The following CNTN1 variants were observed in gnomAD, a reference collection of about 807,000 sequenced individuals.
CNTN1 encodes contactin 1, also known as contactin-1.
Under a neutral mutation model 126.4 loss-of-function variants are expected in CNTN1, and 38 were observed. The observed-to-expected ratio is 0.30, with a 90% confidence interval of 0.23 to 0.39. The LOEUF (loss-of-function observed/expected upper bound fraction) is 0.39, where lower values mean the gene tolerates loss of function less well. Among genes scored for constraint, CNTN1 ranks in the 10% least tolerant of loss-of-function variants. The probability of loss-of-function intolerance (pLI) is 1.00; values close to 1 mark genes in which losing one functional copy is unlikely to be tolerated. For missense variants in CNTN1, 1,009 were observed against 1,248.4 expected, an observed-to-expected ratio of 0.81 and a Z score of 2.89; for synonymous variants, 413 against 422.6, an observed-to-expected ratio of 0.98 and a Z score of 0.28.
At chr12:40,798,276 CATTG>C (rs1328058619) in intron 1 of CNTN1, among the ~76,000 whole-genome samples, 1 of 151,994 alleles carries the variant, frequency 6.6e-6, no homozygotes. Flanking sequence ...ACTGAAGAGT[CATTG>C]ATTGTGTGAC....
Position 40,796,876 on chromosome 12 carries a change from AG to A in CNTN1, c.-77+104286del, listed in dbSNP as rs571228036. Among the ~76,000 whole-genome samples the A allele has an allele frequency of 4.9e-4, 75 of 152,238 alleles. 1 individual carries two copies. Among genetic ancestry groups the A allele is most frequent in the African/African-American group, 1.8e-3 (73 of 41,568 alleles). ...AATGAGGACAAAGCTTGGCAAGCCA[AG>A]GAGACAAAAGTCCTGGGACAAAAGA... is the stretch of plus-strand genomic sequence containing the variant. On this transcript the variant is annotated intron_variant, in intron 1 of 23. Coordinates refer to ENST00000551295, the MANE Select transcript of CNTN1 (RefSeq NM_001843.4).
At chr12:41,034,327 T>C (rs1443196051) in intron 23 of CNTN1, among the ~76,000 whole-genome samples, 3 of 152,206 alleles carry the variant, frequency 2.0e-5, no homozygotes, top group Admixed American at 6.5e-5. Context: ...TTAAACACTG[T>C]GATGGAAAAC....
intron 1 of CNTN1, among the ~76,000 whole-genome samples, chr12:40,726,915 CATT>C (rs1942368004): frequency 6.7e-6 from 1 of 148,560 alleles, no homozygotes; most frequent in Admixed American, 6.6e-5. Context: ...AGAATTTAAA[CATT>C]ATAATAAAAT....
At chr12:41,023,422 A>G (rs769644348) in intron 20 of CNTN1, among the ~76,000 whole-genome samples, 9 of 152,190 alleles carry the variant, frequency 5.9e-5, no homozygotes, top group Non-Finnish European at 1.2e-4. Context: ...CCCCACTTTC[A>G]ATCTTAATAC....
intron 4 of CNTN1, among the ~76,000 whole-genome samples, chr12:40,921,064 C>T (rs564111256): frequency 1.3e-5 from 2 of 152,278 alleles, no homozygotes; most frequent in Non-Finnish European, 2.9e-5. Flanking sequence ...GACAATATTG[C>T]CATCACCTGG....
At chr12:40,885,877 T>A (rs946715767) in intron 1 of CNTN1, among the ~76,000 whole-genome samples, 11 of 152,086 alleles carry the variant, frequency 7.2e-5, no homozygotes, top group African/African-American at 2.7e-4. Context: ...CTTTTAAGTC[T>A]ATCAATAAAT....
At chr12:40,807,399 A>G (rs1161629400) in intron 1 of CNTN1, among the ~76,000 whole-genome samples, 1 of 152,082 alleles carries the variant, frequency 6.6e-6, no homozygotes. Flanking sequence ...TTGATCACCA[A>G]CAGAGCTAAC....
intron 23 of CNTN1, among the ~76,000 whole-genome samples, chr12:41,044,415 G>T (rs1391588936): frequency 6.6e-6 from 1 of 152,042 alleles, no homozygotes; most frequent in Non-Finnish European, 1.5e-5. Context: ...ATATTATTTG[G>T]CTCTATCACT....
At chr12:40,898,709 A>T (rs958452170) in intron 1 of CNTN1, among the ~76,000 whole-genome samples, 11 of 152,204 alleles carry the variant, frequency 7.2e-5, no homozygotes, top group African/African-American at 2.7e-4. Flanking sequence ...TGTACCTTCC[A>T]TGTTGACGTC....
At chr12:40,796,092 C>A (rs1216289080) in intron 1 of CNTN1, among the ~76,000 whole-genome samples, 3 of 151,848 alleles carry the variant, frequency 2.0e-5, no homozygotes, top group Admixed American at 6.6e-5. Flanking sequence ...GACCAGTGAA[C>A]AATGTAAAAC....
Position 40,908,352 on chromosome 12 carries a change from T to C in CNTN1, c.-76-5T>C. ...TCCTTCTTCTTCTTTTCTTTCTTGA[T>C]GCAGGTGTTTAAAATTATCCAACTG... is the stretch of plus-strand genomic sequence containing the variant. On this transcript the variant is annotated splice_region_variant and splice_polypyrimidine_tract_variant and intron_variant, in intron 1 of 23. Transcript: ENST00000551295. The C allele has an allele frequency of 1.0e-6, 1 of 955,802 alleles. No individual in the cohort carries two copies. 59.2% of individuals were successfully genotyped at this position (955,802 alleles called of 1,614,324 possible).
intron 1 of CNTN1, among the ~76,000 whole-genome samples, chr12:40,713,577 A>G (rs1218982297): frequency 6.6e-6 from 1 of 151,990 alleles, no homozygotes; most frequent in Admixed American, 6.6e-5. Flanking sequence ...GAATGACATA[A>G]CACATATAAA....
intron 14 of CNTN1, among the ~76,000 whole-genome samples, chr12:40,956,512 G>A (rs529897780): frequency 2.6e-5 from 4 of 152,208 alleles, no homozygotes; most frequent in Admixed American, 2.0e-4. Flanking sequence ...AGAGGTGAAG[G>A]TGATAGGGGA....
At chr12:40,957,189 G>C (rs1315770071) in intron 14 of CNTN1, among the ~76,000 whole-genome samples, 1 of 151,924 alleles carries the variant, frequency 6.6e-6, no homozygotes, top group Non-Finnish European at 1.5e-5. Context: ...AAACAGAATA[G>C]ATATTGTCAG....
At chr12:40,970,492 T>C (rs1288381941) in intron 15 of CNTN1, among the ~76,000 whole-genome samples, 4 of 152,146 alleles carry the variant, frequency 2.6e-5, no homozygotes, top group African/African-American at 9.7e-5. Context: ...TTTCCGTTTC[T>C]TCTATTTAAA....
At chr12:40,838,738 C>T (rs890935151) in intron 1 of CNTN1, among the ~76,000 whole-genome samples, 3 of 152,084 alleles carry the variant, frequency 2.0e-5, no homozygotes, top group Admixed American at 6.5e-5. Flanking sequence ...GTACCCTACC[C>T]GAACAACTCC....
intron 3 of CNTN1, among the ~76,000 whole-genome samples, chr12:40,915,984 C>T (rs555719966): frequency 3.3e-5 from 5 of 152,252 alleles, no homozygotes; most frequent in Admixed American, 6.5e-5. Flanking sequence ...AATCTCCTTA[C>T]ATGTATAGCC....
intron 4 of CNTN1, among the ~76,000 whole-genome samples, chr12:40,919,060 A>G (rs1945345102): frequency 6.6e-6 from 1 of 152,168 alleles, no homozygotes; most frequent in Non-Finnish European, 1.5e-5. Context: ...AGGCCCATGA[A>G]TGGTTACATA....
intron 15 of CNTN1, among the ~76,000 whole-genome samples, chr12:40,962,378 T>C (rs1947134362): frequency 6.6e-6 from 1 of 152,152 alleles, no homozygotes; most frequent in Admixed American, 6.6e-5. Context: ...ATTCCTTGCC[T>C]TTTTATTGTA....
Sources: gnomAD v4.1 joint callset for allele counts (sites outside exome capture counted in the v4.1 genomes callset) on GRCh38, gnomAD v4.1.1 for gene constraint, MANE v1.5 for transcripts, NCBI Gene and HGNC (gene_info 2026-07-23, HGNC 2026-07-21) for gene names.